The following NUTM2E variants were observed in gnomAD, a reference collection of about 807,000 sequenced individuals.
NUTM2E encodes family with sequence similarity 22, member E.
In NUTM2E, 3 loss-of-function variants were observed where a neutral mutation model predicts 26.1. The ratio of observed to expected loss-of-function variants is 0.12; its 90% CI spans 0.05 to 0.30. NUTM2E has a LOEUF of 0.30. Ranked by LOEUF, NUTM2E falls within the 10% of genes least tolerant of loss-of-function variation. NUTM2E has a pLI of 1.00. For synonymous variants in NUTM2E, 13 were observed against 157.5 expected (o/e 0.08, Z 6.87); for missense variants, 62 against 381.3 (o/e 0.16, Z 6.97).
chr10:79,838,199 C>T (rs1341873027), intron 1 of NUTM2E, among the ~76,000 whole-genome samples, 110 bp from the exon 2 acceptor site: 40 of 144,788 alleles, frequency 2.8e-4, no homozygotes, highest in Non-Finnish European at 4.9e-4. Flanking sequence ...CATAAGTAAG[C>T]GATTCTCATG....
intron 1 of NUTM2E, among the ~76,000 whole-genome samples, chr10:79,831,935 C>G (rs867125565): frequency 1.3e-5 from 2 of 152,090 alleles, no homozygotes; most frequent in African/African-American, 2.4e-5. Context: ...GATAAAGGTG[C>G]TTGCACATCC....
chr10:79,831,215 TGAG>T (rs1379886158), intron 1 of NUTM2E, among the ~76,000 whole-genome samples: 4 of 151,760 alleles, frequency 2.6e-5, no homozygotes, highest in Non-Finnish European at 5.9e-5. Flanking sequence ...GCTCTGAAAA[TGAG>T]GTCCTTGATT....
At position 79,840,688 on chromosome 10, in the gene NUTM2E, G is replaced by A. The variant is rs1424317186; in HGVS notation, c.-1053G>A. On this transcript the variant is annotated 5_prime_UTR_variant, in exon 4 of 10. In the 5' UTR this introduces an upstream ATG that the reference lacks. Coordinates refer to ENST00000429984, the MANE Select transcript of NUTM2E (RefSeq NM_001355263.2). Reference sequence around the variant, plus strand: ...TGCAACTCTGCCTTCTTGAGTCCAAGTGTCTTCGAAAGGGCAAATGCTTCG... The same window carrying A: ...TGCAACTCTGCCTTCTTGAGTCCAAATGTCTTCGAAAGGGCAAATGCTTCG... Among the ~76,000 whole-genome samples the A allele has an allele frequency of 6.6e-6, 1 of 151,340 alleles. No homozygotes were observed. Among genetic ancestry groups the A allele is most frequent in the Non-Finnish European group, 1.5e-5 (1 of 67,888 alleles).
At chr10:79,828,955 A>G (rs1352247465) in intron 1 of NUTM2E, among the ~76,000 whole-genome samples, 1 of 151,830 alleles carries the variant, frequency 6.6e-6, no homozygotes, top group East Asian at 1.9e-4. Context: ...TTAAATAATT[A>G]TCATTAATAT....
intron 1 of NUTM2E, among the ~76,000 whole-genome samples, chr10:79,836,229 G>T (rs1457240949): frequency 6.6e-6 from 1 of 151,722 alleles, no homozygotes. Flanking sequence ...TGGTAATTTT[G>T]ATATTAATAC....
rs575245237 is a variant in NUTM2E at position 79,832,998 on chromosome 10, C to T, written c.-2727-5311C>T. On this transcript the variant is annotated intron_variant, in intron 1 of 9. Transcript: ENST00000429984. The stretch of plus-strand genomic sequence containing the variant: ...TGTATATGTATCTGCATGTTTGTGT[C>T]GTATTTTGGAGTTGTTATTCAGCTT... Among the ~76,000 whole-genome samples the T allele has an allele frequency of 1.0e-3, 156 of 151,560 alleles. 1 individual carries two copies. The highest frequency in any genetic ancestry group is 3.4e-3 in the African/African-American group (139 of 41,378).
At chr10:79,836,556 A>G (rs1436963923) in intron 1 of NUTM2E, among the ~76,000 whole-genome samples, 1 of 151,932 alleles carries the variant, frequency 6.6e-6, no homozygotes, top group Non-Finnish European at 1.5e-5. Context: ...TTACATATCG[A>G]CAGCGTACTC....
intron 1 of NUTM2E, among the ~76,000 whole-genome samples, chr10:79,831,366 A>T (rs1314741957): frequency 6.6e-6 from 1 of 151,302 alleles, no homozygotes; most frequent in East Asian, 1.9e-4. Context: ...TAATCGAAGA[A>T]TTTCACTTTT....
intron 1 of NUTM2E, among the ~76,000 whole-genome samples, chr10:79,837,088 G>A (rs746070426): frequency 9.9e-5 from 15 of 151,938 alleles, no homozygotes; most frequent in African/African-American, 1.4e-4. Flanking sequence ...TCACTGCTGC[G>A]AGGGAGATGT....
chr10:79,836,221 G>A (rs2025196), intron 1 of NUTM2E, among the ~76,000 whole-genome samples: 131,916 of 151,692 alleles, frequency 0.87, 58,213 homozygotes, highest in Non-Finnish European at 0.95. Context: ...AGACCATATG[G>A]TAATTTTGAT....
intron 1 of NUTM2E, among the ~76,000 whole-genome samples, chr10:79,836,636 T>C (rs1841965104): frequency 6.6e-6 from 1 of 151,936 alleles, no homozygotes. Flanking sequence ...ATTTGACTTA[T>C]GAACTCTTCA....
At position 79,838,956 on chromosome 10, in the gene NUTM2E, G is replaced by T. The variant is rs1217039365; in HGVS notation, c.-2273G>T. On this transcript the variant is annotated 5_prime_UTR_variant, in exon 3 of 10. It adds an upstream start codon to the 5' untranslated region. Coordinates refer to ENST00000429984, the MANE Select transcript of NUTM2E (RefSeq NM_001355263.2). Reference sequence around the variant, plus strand: ...GGCTCCTGCGGCGGCGCACAGGGCAGGCCAGGAGCCCGCCCTAGGAGGGCC... The same window carrying T: ...GGCTCCTGCGGCGGCGCACAGGGCATGCCAGGAGCCCGCCCTAGGAGGGCC... 6.7e-6 allele frequency among the ~76,000 whole-genome samples: 1 copy of T among 148,354 alleles called. No homozygotes were observed. The highest frequency in any genetic ancestry group is 1.5e-5 in the Non-Finnish European group (1 of 66,810).
intron 1 of NUTM2E, among the ~76,000 whole-genome samples, chr10:79,832,419 A>C (rs1330247438): frequency 6.6e-6 from 1 of 151,694 alleles, no homozygotes; most frequent in African/African-American, 2.4e-5. Context: ...GGTGATTTGA[A>C]TGTACGATAG....
In NUTM2E at chr10:79,834,494, A is replaced by G. The variant is rs1301586858; in HGVS notation, c.-2727-3815A>G. On this transcript the variant is annotated intron_variant, in intron 1 of 9. Transcript: ENST00000429984. ...GGCAGGCGGATCACCTGAGGTTAGG[A>G]ATTCAAGACCAGCCTGGGCAACATG... Among the ~76,000 whole-genome samples, 4 of 151,514 alleles carry G rather than the reference A, an allele frequency of 2.6e-5. No homozygotes were observed. In the South Asian group the frequency reaches 8.4e-4, roughly 32 times the overall value.
intron 1 of NUTM2E, among the ~76,000 whole-genome samples, chr10:79,828,479 C>T (rs932179037): frequency 6.6e-6 from 1 of 151,812 alleles, no homozygotes; most frequent in African/African-American, 2.4e-5. Flanking sequence ...TGGTAGAATA[C>T]CTTCTGTCAC....
At chr10:79,834,815 TACAC>T (rs71925965) in intron 1 of NUTM2E, among the ~76,000 whole-genome samples, 16,911 of 145,702 alleles carry the variant, frequency 0.12, 1,267 homozygotes, top group South Asian at 0.21. Flanking sequence ...ACAGAATACC[TACAC>T]ACACACACAC....
In NUTM2E at chr10:79,838,874, T is replaced by C. The variant is rs10885538; in HGVS notation, c.-2355T>C. 0.86 allele frequency among the ~76,000 whole-genome samples: 116,858 copies of C among 136,074 alleles called. 50,362 individuals carry two copies. The highest frequency in any genetic ancestry group is 0.93 in the Non-Finnish European group (56,925 of 61,200). The allele number at this position is 136,074 out of a possible 152,430, so 89.3% of individuals were successfully genotyped here. ...TCTCCCTGCCATCAACCGCCGCAAC[T>C]GGCGCTGGGAGCGGTTGAGGGCGGC... On this transcript the variant is annotated 5_prime_UTR_variant, in exon 3 of 10. Coordinates refer to ENST00000429984, the MANE Select transcript of NUTM2E (RefSeq NM_001355263.2).
At chr10:79,834,452 G>C (rs61862766) in intron 1 of NUTM2E, among the ~76,000 whole-genome samples, 9,820 of 151,528 alleles carry the variant, frequency 0.065, 655 homozygotes, top group South Asian at 0.2. Flanking sequence ...TATAATCCAA[G>C]CACTTTGGGA....
intron 1 of NUTM2E, among the ~76,000 whole-genome samples, chr10:79,836,661 T>C (rs1296784785): frequency 7.2e-5 from 11 of 151,876 alleles, no homozygotes; most frequent in Admixed American, 7.2e-4. Flanking sequence ...CACTACCTCA[T>C]AAACACTACA....
Sources: gnomAD v4.1 joint callset for allele counts (sites outside exome capture counted in the v4.1 genomes callset) on GRCh38, gnomAD v4.1.1 for gene constraint, MANE v1.5 for transcripts, NCBI Gene and HGNC (gene_info 2026-07-23, HGNC 2026-07-21) for gene names.